The following CCDC149 variants were observed in gnomAD, a reference collection of about 807,000 sequenced individuals.
CCDC149 encodes the protein coiled-coil domain-containing protein 149.
CCDC149 carries 45 observed loss-of-function variants against 59.9 expected under a neutral mutation model. The observed-to-expected ratio is 0.75, with a 90% CI of 0.59 to 0.96. The LOEUF (loss-of-function observed/expected upper bound fraction) is 0.96, where lower values mean the gene tolerates loss of function less well. CCDC149 is among the 40% of genes least tolerant of loss of function. The probability of loss-of-function intolerance (pLI) is 0.00; values close to 1 mark genes in which losing one functional copy is unlikely to be tolerated. For missense variants in CCDC149, 584 were observed against 664.7 expected, an observed-to-expected ratio of 0.88 and a Z score of 1.33; for synonymous variants, 245 against 260.6, an observed-to-expected ratio of 0.94 and a Z score of 0.58.
At chr4:24,879,019 G>T (rs1310745142) in intron 1 of CCDC149, among the ~76,000 whole-genome samples, 1 of 152,172 alleles carries the variant, frequency 6.6e-6, no homozygotes, top group Non-Finnish European at 1.5e-5. Context: ...AGACCCACTG[G>T]CCCGGGATTT....
At chr4:24,926,311 T>A (rs1421572646) in intron 1 of CCDC149, among the ~76,000 whole-genome samples, 1 of 152,250 alleles carries the variant, frequency 6.6e-6, no homozygotes, top group Non-Finnish European at 1.5e-5. Flanking sequence ...AAATCAAGTT[T>A]AATAAATATG....
intron 1 of CCDC149, among the ~76,000 whole-genome samples, chr4:24,977,757 T>C (rs1724271169): frequency 6.6e-6 from 1 of 152,212 alleles, no homozygotes; most frequent in African/African-American, 2.4e-5. Flanking sequence ...GTTAGGAATA[T>C]TGACCAGATG....
At chr4:24,868,565 T>A (rs760186004) in intron 3 of CCDC149, among the ~76,000 whole-genome samples, 2 of 152,180 alleles carry the variant, frequency 1.3e-5, no homozygotes, top group Admixed American at 6.5e-5. Flanking sequence ...TCGTAGCATC[T>A]CTAGTACAAT....
chr4:24,872,964 G>A (rs528240890), intron 3 of CCDC149, among the ~76,000 whole-genome samples: 84 of 79,322 alleles, frequency 1.1e-3, no homozygotes, highest in Non-Finnish European at 2.1e-3. Context: ...CCACTGAATG[G>A]TATGCACCCG....
chr4:24,806,112 GTAAGTAAT>G (rs1377619244), exon 13 of CCDC149: 1 of 152,166 alleles, frequency 6.6e-6, no homozygotes, highest in East Asian at 1.9e-4. Context: ...AAAGACAGCT[GTAAGTAAT>G]TGCAGAAAGC....
At chr4:24,880,381 C>G (rs762689035) in intron 1 of CCDC149, among the ~76,000 whole-genome samples, 1 of 152,162 alleles carries the variant, frequency 6.6e-6, no homozygotes, top group Non-Finnish European at 1.5e-5. Context: ...AATCGCCTAG[C>G]GGCACACTTC....
At chr4:24,883,438 T>A (rs558120967) in intron 1 of CCDC149, among the ~76,000 whole-genome samples, 5 of 127,606 alleles carry the variant, frequency 3.9e-5, no homozygotes, top group African/African-American at 1.5e-4. Context: ...AAATACTTGG[T>A]GAAAGGAACG....
rs1454586416 is a variant in CCDC149 at position 24,912,898 on chromosome 4, G to T, written c.-19C>A. ...CCTCCATGCGCTGGCCGGCCTCCTG[G>T]ACCCCCGCCGCCTCCTCCTCCTCGC... is the stretch of plus-strand genomic sequence containing the variant. On this transcript the variant is annotated 5_prime_UTR_variant, in exon 1 of 13. Transcript: ENST00000635206. 7.6e-7 allele frequency: 1 copy of T among 1,315,698 alleles called. No homozygotes were observed. The highest frequency in any genetic ancestry group is 9.9e-7 in the Non-Finnish European group (1 of 1,013,078). 81.5% of individuals were successfully genotyped at this position (1,315,698 alleles called of 1,614,324 possible).
chr4:24,971,393 A>AAAGTAG (rs1560273663), intron 1 of CCDC149, among the ~76,000 whole-genome samples: 2 of 152,272 alleles, frequency 1.3e-5, no homozygotes, highest in African/African-American at 4.8e-5. Flanking sequence ...GTCAGGAGTA[A>AAAGTAG]GCCAAGGCAG....
At chr4:24,898,380 A>G (rs1239544255) in intron 1 of CCDC149, among the ~76,000 whole-genome samples, 2 of 152,068 alleles carry the variant, frequency 1.3e-5, no homozygotes, top group Non-Finnish European at 2.9e-5. Flanking sequence ...GTAGCTACAT[A>G]TTTCTGGAGC....
rs1719207510 is a variant in CCDC149, at chr4:24,873,786, G to T, written c.226-67C>A. 7 of 1,285,526 alleles carry T rather than the reference G, an allele frequency of 5.4e-6. No individual in the cohort carries two copies. In the South Asian group the frequency reaches 7.3e-5, roughly 13 times the overall value. 79.6% of individuals were successfully genotyped at this position (1,285,526 alleles called of 1,614,324 possible). On this transcript the variant is annotated intron_variant, in intron 2 of 12. Transcript: ENST00000635206. ...TAGATGTACTTAGAAACAAGAAGTT[G>T]AACTAAATTATGAACCTAAATGTAG...
At chr4:24,950,326 A>G (rs2109354153) in intron 1 of CCDC149, among the ~76,000 whole-genome samples, 1 of 152,314 alleles carries the variant, frequency 6.6e-6, no homozygotes, top group Non-Finnish European at 1.5e-5. Context: ...TTCTAATCCA[A>G]CCTCATAGGT....
intron 1 of CCDC149, among the ~76,000 whole-genome samples, chr4:24,929,909 C>T (rs926899373): frequency 1.3e-5 from 2 of 152,190 alleles, no homozygotes; most frequent in Admixed American, 1.3e-4. Flanking sequence ...AACCAACAAG[C>T]ATGCACTTTG....
chr4:24,813,063 G>A (rs1168305155), intron 12 of CCDC149, among the ~76,000 whole-genome samples: 2 of 152,116 alleles, frequency 1.3e-5, no homozygotes, highest in Non-Finnish European at 2.9e-5. Context: ...GTATTTGGAG[G>A]TGAGGCCTTT....
chr4:24,961,287 C>A (rs1362853718), intron 1 of CCDC149, among the ~76,000 whole-genome samples: 1 of 152,070 alleles, frequency 6.6e-6, no homozygotes, highest in Non-Finnish European at 1.5e-5. Flanking sequence ...CAACCAGAAC[C>A]ACAAATGGAC....
chr4:24,966,510 G>T (rs1292203275), intron 1 of CCDC149, among the ~76,000 whole-genome samples: 1 of 151,986 alleles, frequency 6.6e-6, no homozygotes, highest in African/African-American at 2.4e-5. Context: ...CAGTGGGACT[G>T]AGGGGTCTGG....
rs1335626431 is a variant in CCDC149 at position 24,838,177 on chromosome 4, C to G, written c.468G>C (p.Gln156His). The G allele has an allele frequency of 1.2e-6, 2 of 1,614,042 alleles. No homozygotes were observed. Among genetic ancestry groups the G allele is most frequent in the Non-Finnish European group, 8.5e-7 (1 of 1,179,854 alleles). Residue 156 changes from glutamine to histidine, a missense_variant, in exon 5 of 13, where the codon CAG (glutamine) becomes CAC (histidine). By Grantham distance (24) the Gln-to-His change is conservative. Coordinates refer to ENST00000635206, the MANE Select transcript of CCDC149 (RefSeq NM_001330643.2). ...GAACCTGTTCCTTAGCTCGCTCTAG[C>G]TGCTGCACCAAGTCTTCACGCTCAT... is the stretch of plus-strand genomic sequence containing the variant.
At chr4:24,859,743 G>C (rs1405500261) in intron 3 of CCDC149, among the ~76,000 whole-genome samples, 1 of 152,144 alleles carries the variant, frequency 6.6e-6, no homozygotes, top group Non-Finnish European at 1.5e-5. Context: ...CATGAATTCA[G>C]TAAAGTTTCA....
In CCDC149 at chr4:24,808,222, C is replaced by T. The variant is rs1577368851; in HGVS notation, c.*167G>A. 1.8e-6 allele frequency: 1 copy of T among 541,828 alleles called. No individual in the cohort carries two copies. The highest frequency in any genetic ancestry group is 3.1e-6 in the Non-Finnish European group (1 of 325,132). 33.6% of individuals were successfully genotyped at this position (541,828 alleles called of 1,614,324 possible). On this transcript the variant is annotated 3_prime_UTR_variant, in exon 13 of 13. Transcript: ENST00000635206. ...CCTACATTTAATAAATCAAACTGTA[C>T]TGGCATCATCAGAATATTCACAGTT...
Sources: allele counts gnomAD v4.1 joint callset (sites outside exome capture counted in the v4.1 genomes callset), GRCh38; gene constraint gnomAD v4.1.1; transcripts MANE v1.5; gene names NCBI Gene and HGNC (gene_info 2026-07-23, HGNC 2026-07-21).